The following DSCAM variants were observed in gnomAD, a reference collection of about 807,000 sequenced individuals.
The protein encoded by DSCAM is DS cell adhesion molecule.
Under a neutral mutation model 217.7 loss-of-function variants are expected in DSCAM, and 47 were observed. The observed-to-expected ratio is 0.22, with a 90% CI of 0.17 to 0.28. The LOEUF is 0.28. Ranked by LOEUF, DSCAM falls within the 10% of genes least tolerant of loss-of-function variation. The pLI, the probability that DSCAM is intolerant of heterozygous loss-of-function variation, is 1.00. For synonymous variants in DSCAM, 1,056 were observed against 1,015.3 expected, an observed-to-expected ratio of 1.04 and a Z score of -0.76; for missense variants, 2,080 against 2,618.3, an observed-to-expected ratio of 0.79 and a Z score of 4.49.
intron 3 of DSCAM, among the ~76,000 whole-genome samples, chr21:40,656,483 CA>C (rs1439585184): frequency 7.0e-6 from 1 of 142,884 alleles, no homozygotes; most frequent in Non-Finnish European, 1.5e-5. Context: ...CTCAAGTTGA[CA>C]AGAAAAAAGC....
intron 32 of DSCAM, among the ~76,000 whole-genome samples, chr21:40,015,185 G>A (rs902883593): frequency 3.9e-5 from 6 of 152,108 alleles, no homozygotes; most frequent in Non-Finnish European, 7.4e-5. Flanking sequence ...TGAATTTTAG[G>A]TGCTTTGCTA....
chr21:40,792,178 G>C (rs145125196), intron 1 of DSCAM, among the ~76,000 whole-genome samples: 1 of 123,148 alleles, frequency 8.1e-6, no homozygotes, highest in Non-Finnish European at 1.6e-5. Flanking sequence ...TCTCACTGTT[G>C]CCCGGGCTGG....
chr21:40,114,650 T>C (rs2089944815), intron 20 of DSCAM, among the ~76,000 whole-genome samples: 1 of 152,180 alleles, frequency 6.6e-6, no homozygotes, highest in Admixed American at 6.5e-5. Context: ...GAGAAAATTT[T>C]TGCAATCTAC....
At chr21:40,760,535 C>A (rs1450688051) in intron 1 of DSCAM, among the ~76,000 whole-genome samples, 2 of 152,204 alleles carry the variant, frequency 1.3e-5, no homozygotes, top group Non-Finnish European at 2.9e-5. Flanking sequence ...TGGGCACAGG[C>A]CAGTCAGGGA....
At chr21:40,124,877 G>C (rs1260409823) in intron 19 of DSCAM, among the ~76,000 whole-genome samples, 1 of 152,126 alleles carries the variant, frequency 6.6e-6, no homozygotes, top group Non-Finnish European at 1.5e-5. Context: ...TTGTCCTGGG[G>C]AGTCTTCCCA....
rs2073607298 is a variant in DSCAM at position 40,270,907 on chromosome 21, AG to A, written c.2356+5189del. ...CTGGTGGCAGTGGGTGAGGGCAGAA[AG>A]TAAAGGAGGTTGACTATGGATTATC... is the stretch of plus-strand genomic sequence containing the variant. On this transcript the variant is annotated intron_variant, in intron 11 of 32. Transcript: ENST00000400454. Among the ~76,000 whole-genome samples the A allele has an allele frequency of 2.0e-5, 3 of 152,330 alleles. No individual in the cohort carries two copies. The South Asian group carries it at 6.2e-4, about 32-fold the overall frequency.
intron 3 of DSCAM, among the ~76,000 whole-genome samples, chr21:40,578,969 A>G (rs947015846): frequency 2.6e-5 from 4 of 152,236 alleles, no homozygotes; most frequent in Non-Finnish European, 5.9e-5. Context: ...ATACAACTTG[A>G]TGATGTAAAT....
chr21:40,463,773 C>A (rs1294324226), intron 3 of DSCAM, among the ~76,000 whole-genome samples: 3 of 152,196 alleles, frequency 2.0e-5, no homozygotes, highest in African/African-American at 7.2e-5. Flanking sequence ...CTGCTTCCAG[C>A]CTCTTTGGCA....
intron 3 of DSCAM, among the ~76,000 whole-genome samples, chr21:40,532,077 T>A (rs1393057916): frequency 1.3e-5 from 2 of 152,238 alleles, no homozygotes; most frequent in Non-Finnish European, 2.9e-5. Context: ...ACTTTTTGCT[T>A]TGATACACTC....
At chr21:40,137,178 GA>G (rs34652896) in intron 18 of DSCAM, among the ~76,000 whole-genome samples, 25,408 of 64,542 alleles carry the variant, frequency 0.39, 2,931 homozygotes, top group Non-Finnish European at 0.42. Flanking sequence ...CTGTCTCAAG[GA>G]AAAAAAAAAA....
At chr21:40,562,116 C>T (rs765714644) in intron 3 of DSCAM, among the ~76,000 whole-genome samples, 2 of 152,166 alleles carry the variant, frequency 1.3e-5, no homozygotes, top group Non-Finnish European at 2.9e-5. Context: ...CACACCCCTC[C>T]TGATATGGTT....
chr21:40,429,267 G>A (rs1420796542), intron 3 of DSCAM, among the ~76,000 whole-genome samples: 1 of 149,702 alleles, frequency 6.7e-6, no homozygotes, highest in African/African-American at 2.5e-5. Context: ...CAAGTTTTTT[G>A]TGCTTTTTTT....
intron 3 of DSCAM, among the ~76,000 whole-genome samples, chr21:40,593,899 G>A (rs459139): frequency 0.67 from 101,473 of 152,040 alleles, 34,069 homozygotes; most frequent in African/African-American, 0.72. Flanking sequence ...GATGTTTTCC[G>A]CTAAATCTCA....
At chr21:40,266,945 T>G (rs1380502069) in intron 11 of DSCAM, among the ~76,000 whole-genome samples, 1 of 149,978 alleles carries the variant, frequency 6.7e-6, no homozygotes, top group Non-Finnish European at 1.5e-5. Flanking sequence ...AAATAATGCA[T>G]GTTCTCATTT....
At chr21:40,631,636 A>C (rs2089692665) in intron 3 of DSCAM, among the ~76,000 whole-genome samples, 1 of 152,184 alleles carries the variant, frequency 6.6e-6, no homozygotes, top group African/African-American at 2.4e-5. Context: ...CATGGAAACA[A>C]TCACTCTGTT....
At chr21:40,062,959 AT>A in intron 27 of DSCAM, 60 bp from the exon 28 acceptor site, 1 of 1,467,752 alleles carries the variant, frequency 6.8e-7, no homozygotes. Flanking sequence ...TCACTTAGGC[AT>A]TTATGACAAA....
chr21:40,643,206 G>A (rs11909117), intron 3 of DSCAM, among the ~76,000 whole-genome samples: 13 of 152,166 alleles, frequency 8.5e-5, no homozygotes, highest in Non-Finnish European at 4.4e-5. Context: ...TTTTCCTACT[G>A]TCTTGAACTG....
chr21:40,815,732 G>C (rs2091875737), intron 1 of DSCAM, among the ~76,000 whole-genome samples: 2 of 152,124 alleles, frequency 1.3e-5, no homozygotes, highest in African/African-American at 4.8e-5. Flanking sequence ...TAGGGATTTA[G>C]GTTATCATAC....
At chr21:40,362,816 G>A (rs569424153) in intron 4 of DSCAM, among the ~76,000 whole-genome samples, 3 of 152,134 alleles carry the variant, frequency 2.0e-5, no homozygotes, top group South Asian at 4.1e-4. Context: ...ATATGCAGGT[G>A]TGCATATGTA....
Sources: allele counts gnomAD v4.1 joint callset (sites outside exome capture counted in the v4.1 genomes callset), GRCh38; gene constraint gnomAD v4.1.1; transcripts MANE v1.5; gene names NCBI Gene and HGNC (gene_info 2026-07-23, HGNC 2026-07-21).